The following PREX2 variants were observed in gnomAD, a reference collection of about 807,000 sequenced individuals.
The protein encoded by PREX2 is phosphatidylinositol 3,4,5-trisphosphate-dependent Rac exchanger 2 protein.
Under a neutral mutation model 203.2 loss-of-function variants are expected in PREX2, and 107 were observed. The ratio of observed to expected loss-of-function variants is 0.53; its 90% confidence interval spans 0.45 to 0.62. PREX2 has a LOEUF of 0.62. Ranked by LOEUF, PREX2 falls within the 20% of genes least tolerant of loss-of-function variation. The probability of loss-of-function intolerance (pLI) is 0.00; values close to 1 mark genes in which losing one functional copy is unlikely to be tolerated. For missense variants in PREX2, 1,777 were observed against 1,955.9 expected, an observed-to-expected ratio of 0.91 and a Z score of 1.72; for synonymous variants, 672 against 663.6, an observed-to-expected ratio of 1.01 and a Z score of -0.19.
In PREX2 at chr8:68,099,911, A is replaced by G. The variant is rs528670683; in HGVS notation, c.2715+68A>G. 78 of 1,318,518 alleles carry G rather than the reference A, an allele frequency of 5.9e-5. No homozygotes were observed. In the East Asian group the frequency reaches 1.7e-3, roughly 29 times the overall value. 81.7% of individuals were successfully genotyped at this position (1,318,518 alleles called of 1,614,324 possible). A position where few individuals can be genotyped will look rare whatever the true frequency, so the allele number is the denominator to read the frequency against. On this transcript the variant is annotated intron_variant, in intron 23 of 39. Coordinates refer to ENST00000288368, the MANE Select transcript of PREX2 (RefSeq NM_024870.4). The stretch of plus-strand genomic sequence containing the variant: ...ATTATTTGAATGTCAAATTTAAATC[A>G]ATTTTTGATATTTTCTTTACATATT...
chr8:68,128,654 G>A (rs1810944277), intron 31 of PREX2, among the ~76,000 whole-genome samples: 1 of 152,160 alleles, frequency 6.6e-6, no homozygotes, highest in Non-Finnish European at 1.5e-5. Context: ...TGTTCACATG[G>A]TGGATTTGCA....
intron 34 of PREX2, among the ~76,000 whole-genome samples, chr8:68,147,328 G>C (rs1044471088): frequency 1.3e-5 from 2 of 152,122 alleles, no homozygotes; most frequent in African/African-American, 4.8e-5. Context: ...ACCATGATAT[G>C]GTTTGGCTGT....
At chr8:68,013,160 T>C (rs2129610047) in intron 1 of PREX2, among the ~76,000 whole-genome samples, 1 of 152,334 alleles carries the variant, frequency 6.6e-6, no homozygotes, top group South Asian at 2.1e-4. Flanking sequence ...ACAAAGCAGG[T>C]AGGCTCTGCA....
chr8:68,120,422 C>A (rs1585810088), intron 29 of PREX2, 136 bp downstream of exon 29: 2 of 599,086 alleles, frequency 3.3e-6, no homozygotes, highest in East Asian at 2.8e-5. Context: ...AACACTACTT[C>A]TATTCTGATA....
chr8:68,170,717 C>T (rs1012423695), intron 35 of PREX2, among the ~76,000 whole-genome samples: 12 of 152,256 alleles, frequency 7.9e-5, no homozygotes, highest in African/African-American at 2.6e-4. Context: ...TTTTTATCCC[C>T]TCCATTCACC....
At chr8:68,069,186 T>G in intron 12 of PREX2, 50 bp downstream of exon 12, 1 of 877,414 alleles carries the variant, frequency 1.1e-6, no homozygotes, top group Non-Finnish European at 1.8e-6. Context: ...ATGTTGTCAT[T>G]CTTCAGAAGA....
intron 12 of PREX2, 79 bp from the exon 13 acceptor site, chr8:68,069,752 GAATT>G: frequency 1.6e-6 from 1 of 634,378 alleles, no homozygotes; most frequent in Non-Finnish European, 2.8e-6. Context: ...TATTGACAGT[GAATT>G]AATTTGTTAC....
chr8:68,138,351 T>A, intron 32 of PREX2, 64 bp from the exon 33 acceptor site: 1 of 834,454 alleles, frequency 1.2e-6, no homozygotes, highest in Non-Finnish European at 1.8e-6. Flanking sequence ...ATTTACATTA[T>A]GTCATGTTAC....
intron 13 of PREX2, among the ~76,000 whole-genome samples, chr8:68,070,147 A>T (rs1809155708): frequency 6.6e-6 from 1 of 151,828 alleles, no homozygotes; most frequent in Non-Finnish European, 1.5e-5. Context: ...GAAATAATCC[A>T]CTTTCAGTTA....
intron 37 of PREX2, among the ~76,000 whole-genome samples, chr8:68,193,757 A>G (rs1466388563): frequency 6.6e-6 from 1 of 152,108 alleles, no homozygotes; most frequent in East Asian, 1.9e-4. Flanking sequence ...TCATGGAGGA[A>G]GTTATGTTTG....
rs79836061 is a variant in PREX2, at chr8:68,105,953, C to T, written c.2716-2156C>T. The T allele has an allele frequency of 7.8e-3, 1,265 of 162,532 alleles. 5 individuals carry two copies. The highest frequency in any genetic ancestry group is 0.012 in the Admixed American group (188 of 15,678). 10.1% of individuals were successfully genotyped at this position (162,532 alleles called of 1,614,324 possible). On this transcript the variant is annotated intron_variant, in intron 23 of 39. Transcript: ENST00000288368. The stretch of plus-strand genomic sequence containing the variant: ...TGCCGTTACTTTTAATGGCAAAAAC[C>T]GCAATCACTTTTGCTCCAACCTAGT...
chr8:68,202,580 A>G (rs1414024365), intron 37 of PREX2, among the ~76,000 whole-genome samples: 2 of 152,332 alleles, frequency 1.3e-5, no homozygotes, highest in East Asian at 3.9e-4. Context: ...GATGAGACCT[A>G]GCACCGAAGC....
chr8:68,050,225 A>G (rs1164370264), intron 8 of PREX2, among the ~76,000 whole-genome samples: 1 of 152,138 alleles, frequency 6.6e-6, no homozygotes, highest in African/African-American at 2.4e-5. Flanking sequence ...GTTATTTGAG[A>G]CAGTGGAGGT....
Position 68,211,756 on chromosome 8 carries a change from T to G in PREX2, c.4605-5860T>G, listed in dbSNP as rs1432912752. Among the ~76,000 whole-genome samples, 4 of 152,288 alleles carry G rather than the reference T, an allele frequency of 2.6e-5. No individual in the cohort carries two copies. In the East Asian group the frequency reaches 7.7e-4, roughly 29 times the overall value. On this transcript the variant is annotated intron_variant, in intron 37 of 39. Transcript: ENST00000288368. ...TGGACACGGGATTGGGGGAGGGGTT[T>G]GTACAATGGTACTAAGATGCTGACT... is the stretch of plus-strand genomic sequence containing the variant.
At chr8:68,062,387 A>G (rs1324199986) in intron 11 of PREX2, among the ~76,000 whole-genome samples, 2 of 152,220 alleles carry the variant, frequency 1.3e-5, no homozygotes, top group Non-Finnish European at 2.9e-5. Context: ...AGAAAAGTTC[A>G]GACCTATTAC....
chr8:67,975,694 C>CTTTTTTTTTTTTT lies in PREX2; in HGVS notation c.141+23174_141+23186dup, dbSNP rs67614434. Among the ~76,000 whole-genome samples, 17 of 75,014 alleles carry CTTTTTTTTTTTTT rather than the reference C, an allele frequency of 2.3e-4. 4 individuals carry two copies. Among genetic ancestry groups the CTTTTTTTTTTTTT allele is most frequent in the African/African-American group, 6.5e-4 (11 of 16,858 alleles). 49.2% of individuals were successfully genotyped at this position (75,014 alleles called of 152,430 possible). ...TCAGGATAGTAACTGATTTCTCTTT[C>CTTTTTTTTTTTTT]TTTTTTTTTTTTTTTTTTTTTTTTT... is the stretch of plus-strand genomic sequence containing the variant. On this transcript the variant is annotated intron_variant, in intron 1 of 39. Transcript: ENST00000288368.
At chr8:68,223,292 GT>G (rs1812993151) in intron 38 of PREX2, 1 of 152,104 alleles carries the variant, frequency 6.6e-6, no homozygotes, top group South Asian at 2.1e-4. Context: ...AGTTTTCTTT[GT>G]TTGTTTTGTT....
chr8:67,987,081 A>G (rs953700479), intron 1 of PREX2, among the ~76,000 whole-genome samples: 8 of 137,122 alleles, frequency 5.8e-5, no homozygotes, highest in African/African-American at 2.2e-4. Context: ...TGAACCTGGG[A>G]GGCGGAGCTT....
At chr8:68,133,783 A>G (rs1811054328) in intron 31 of PREX2, among the ~76,000 whole-genome samples, 1 of 152,232 alleles carries the variant, frequency 6.6e-6, no homozygotes, top group African/African-American at 2.4e-5. Context: ...TTTCTCCCTC[A>G]GATTTTATCA....
Sources: gnomAD v4.1 joint callset for allele counts (sites outside exome capture counted in the v4.1 genomes callset) on GRCh38, gnomAD v4.1.1 for gene constraint, MANE v1.5 for transcripts, NCBI Gene and HGNC (gene_info 2026-07-23, HGNC 2026-07-21) for gene names.